The following CDC5L variants were observed in gnomAD, a reference collection of about 807,000 sequenced individuals.
The protein encoded by CDC5L is cell division cycle 5-like protein.
CDC5L carries 18 observed loss-of-function variants against 104.1 expected under a neutral mutation model. The ratio of observed to expected loss-of-function variants is 0.17; its 90% CI spans 0.12 to 0.26. The LOEUF (loss-of-function observed/expected upper bound fraction) is 0.26, where lower values mean the gene tolerates loss of function less well. Ranked by LOEUF, CDC5L falls within the 10% of genes least tolerant of loss-of-function variation. CDC5L has a pLI of 1.00. For missense variants in CDC5L, 673 were observed against 956.9 expected (o/e 0.70, Z 3.91); for synonymous variants, 331 against 322.7 (o/e 1.03, Z -0.28).
chr6:44,418,717 T>G (rs1168424221), intron 8 of CDC5L, among the ~76,000 whole-genome samples: 1 of 152,166 alleles, frequency 6.6e-6, no homozygotes, highest in Admixed American at 6.5e-5. Flanking sequence ...CTCCTTGTGG[T>G]TTTGATTTGC....
chr6:44,388,631 T>C (rs1790457412), intron 1 of CDC5L, among the ~76,000 whole-genome samples: 1 of 152,136 alleles, frequency 6.6e-6, no homozygotes, highest in Non-Finnish European at 1.5e-5. Context: ...GCACATCATG[T>C]CTTTTCATGC....
At position 44,449,190 on chromosome 6, in the gene CDC5L, C is replaced by A. The variant is rs1388053783; in HGVS notation, c.*2479C>A. ...TCACATACTTATAGCCTAAAAAAAT[C>A]GGCAGGAATTACAAAATTTCAAAAC... is the stretch of plus-strand genomic sequence containing the variant. On this transcript the variant is annotated 3_prime_UTR_variant, in exon 16 of 16. Transcript: ENST00000371477. 6.6e-6 allele frequency: 1 copy of A among 152,266 alleles called. No homozygotes were observed. The highest frequency in any genetic ancestry group is 2.4e-5 in the African/African-American group (1 of 41,546). The allele number at this position is 152,266 out of a possible 1,614,324, so 9.4% of individuals were successfully genotyped here.
intron 9 of CDC5L, among the ~76,000 whole-genome samples, chr6:44,420,833 A>G (rs76828471): frequency 6.6e-6 from 1 of 152,296 alleles, no homozygotes; most frequent in African/African-American, 2.4e-5. Context: ...CAGATAAGGG[A>G]TACTCTTATC....
At chr6:44,431,151 A>G (rs1235979653) in intron 14 of CDC5L, among the ~76,000 whole-genome samples, 1 of 152,202 alleles carries the variant, frequency 6.6e-6, no homozygotes, top group Non-Finnish European at 1.5e-5. Flanking sequence ...TCTGAGTTTT[A>G]ATTTAACCAT....
At position 44,445,796 on chromosome 6, in the gene CDC5L, G is replaced by T. The variant is rs923673813; in HGVS notation, c.2233G>T (p.Ala745Ser). Residue 745 changes from alanine to serine, a missense_variant, in exon 15 of 16, where the codon GCT becomes TCT. Coordinates refer to ENST00000371477, the MANE Select transcript of CDC5L (RefSeq NM_001253.4). ...TGACTTATGGGACCAAATTGAACAG[G>T]CTCACTTGGAGTTACGCACTTTTGA... ...LNDLWDQIEQ[A>S]HLELRTFEEL... The T allele has an allele frequency of 6.2e-7, 1 of 1,614,026 alleles. No individual in the cohort carries two copies. Among genetic ancestry groups the T allele is most frequent in the Non-Finnish European group, 8.5e-7 (1 of 1,179,958 alleles).
chr6:44,450,184 T>C lies in CDC5L; in HGVS notation c.*3473T>C, dbSNP rs958453857. 1 of 152,174 alleles carries C rather than the reference T, an allele frequency of 6.6e-6. No individual in the cohort carries two copies. Among genetic ancestry groups the C allele is most frequent in the African/African-American group, 2.4e-5 (1 of 41,444 alleles). 9.4% of individuals were successfully genotyped at this position (152,174 alleles called of 1,614,324 possible). ...CAGCCTGGTTATTGTATTTTGATAT[T>C]GGGATTTTGCTAGCTCTCTAAAGTA... On this transcript the variant is annotated 3_prime_UTR_variant, in exon 16 of 16. Transcript: ENST00000371477.
chr6:44,389,686 G>C (rs1011122002), intron 1 of CDC5L, among the ~76,000 whole-genome samples: 4 of 152,096 alleles, frequency 2.6e-5, no homozygotes, highest in African/African-American at 9.7e-5. Context: ...GTCATAGTTG[G>C]GGTTAAGGGG....
At chr6:44,414,269 G>C (rs1215593638) in intron 8 of CDC5L, among the ~76,000 whole-genome samples, 1 of 151,938 alleles carries the variant, frequency 6.6e-6, no homozygotes, top group Non-Finnish European at 1.5e-5. Flanking sequence ...GTAGAGATGG[G>C]ATCTCACTAT....
intron 8 of CDC5L, among the ~76,000 whole-genome samples, chr6:44,417,672 A>G (rs1791966316): frequency 6.6e-6 from 1 of 152,224 alleles, no homozygotes; most frequent in Non-Finnish European, 1.5e-5. Context: ...GTTACAGTGA[A>G]GGGACTAAAG....
intron 8 of CDC5L, 29 bp from the exon 9 acceptor site, chr6:44,419,420 A>C (rs773161705): frequency 6.2e-7 from 1 of 1,611,350 alleles, no homozygotes; most frequent in Admixed American, 1.7e-5. Flanking sequence ...AAACTTTTAA[A>C]CTTGCTTCTT....
At chr6:44,419,781 C>G (rs555673890) in intron 9 of CDC5L, among the ~76,000 whole-genome samples, 184 bp downstream of exon 9, 15 of 152,148 alleles carry the variant, frequency 9.9e-5, no homozygotes, top group South Asian at 8.3e-4. Context: ...TGCCTCCCCC[C>G]CTTTCTTTAA....
chr6:44,427,671 G>A (rs1404638208), intron 13 of CDC5L, among the ~76,000 whole-genome samples: 1 of 152,110 alleles, frequency 6.6e-6, no homozygotes, highest in East Asian at 1.9e-4. Context: ...GAATAACTGA[G>A]TCACTCATTT....
intron 14 of CDC5L, among the ~76,000 whole-genome samples, chr6:44,438,600 G>A (rs1272965620): frequency 1.3e-5 from 2 of 151,298 alleles, no homozygotes; most frequent in African/African-American, 4.8e-5. Flanking sequence ...GTGGAAGAGA[G>A]TGAGTACAAA....
chr6:44,445,005 G>A (rs1356033056), intron 14 of CDC5L, among the ~76,000 whole-genome samples: 1 of 152,176 alleles, frequency 6.6e-6, no homozygotes, highest in Non-Finnish European at 1.5e-5. Flanking sequence ...CTGTCGAGTA[G>A]CCACTGGTAG....
intron 14 of CDC5L, 109 bp downstream of exon 14, chr6:44,430,019 C>T: frequency 1.3e-6 from 1 of 764,206 alleles, no homozygotes; most frequent in Non-Finnish European, 2.1e-6. Flanking sequence ...GTGCTTATTG[C>T]CTTTTTAGTT....
intron 11 of CDC5L, among the ~76,000 whole-genome samples, chr6:44,424,788 A>AAT (rs567943015): frequency 3.3e-5 from 5 of 152,226 alleles, no homozygotes; most frequent in Non-Finnish European, 7.3e-5. Context: ...CATTCTTAAA[A>AAT]ATATATATAT....
intron 1 of CDC5L, 98 bp downstream of exon 1, chr6:44,387,966 G>C: frequency 8.7e-7 from 1 of 1,149,152 alleles, no homozygotes; most frequent in Non-Finnish European, 1.3e-6. Flanking sequence ...AGACCCTGTG[G>C]GGTCTGCGTG....
intron 5 of CDC5L, 102 bp from the exon 6 acceptor site, chr6:44,403,707 T>G (rs1791237751): frequency 3.7e-6 from 3 of 804,980 alleles, no homozygotes; most frequent in Admixed American, 5.8e-5. Flanking sequence ...TAAATAACTA[T>G]TTCTTCCCCA....
At chr6:44,388,675 CTT>C (rs975766196) in intron 1 of CDC5L, among the ~76,000 whole-genome samples, 26 of 131,016 alleles carry the variant, frequency 2.0e-4, no homozygotes, top group Admixed American at 3.8e-4. Flanking sequence ...TTTATGGCTT[CTT>C]TTTTTTTTTT....
Sources: gnomAD v4.1 joint callset for allele counts (sites outside exome capture counted in the v4.1 genomes callset) on GRCh38, gnomAD v4.1.1 for gene constraint, MANE v1.5 for transcripts, NCBI Gene and HGNC (gene_info 2026-07-23, HGNC 2026-07-21) for gene names.